Variants in TYRO3 observed in about 807,000 individuals in gnomAD.
The protein encoded by TYRO3 is TYRO3 protein tyrosine kinase.
In TYRO3, 38 loss-of-function variants were observed where a neutral mutation model predicts 95.2. The observed-to-expected ratio is 0.40, with a 90% CI of 0.31 to 0.52. The LOEUF is 0.52. Among genes scored for constraint, TYRO3 ranks in the 20% least tolerant of loss-of-function variants. The pLI, the probability that TYRO3 is intolerant of heterozygous loss-of-function variation, is 0.56. For missense variants in TYRO3, 812 were observed against 1,116.4 expected (o/e 0.73, Z 3.89); for synonymous variants, 367 against 432.9 (o/e 0.85, Z 1.89).
chr15:41,565,083 G>T lies in TYRO3; in HGVS notation c.725G>T (p.Ser242Ile). Residue 242 changes from serine to isoleucine, a missense_variant, in exon 6 of 19, where the codon AGT (serine) becomes ATT (isoleucine). Transcript: ENST00000263798. ...ACAAAGCTTTCCAGCAGCAACGCTA[G>T]TGTGGCCTGGATGCCAGGTGCTGAT... ...TVTKLSSSNA[S>I]VAWMPGADGR... The T allele has an allele frequency of 1.2e-6, 2 of 1,613,452 alleles. No individual in the cohort carries two copies. The highest frequency in any genetic ancestry group is 1.7e-6 in the Non-Finnish European group (2 of 1,180,024).
chr15:41,569,502 G>T (rs944797699), intron 9 of TYRO3, among the ~76,000 whole-genome samples: 1 of 151,780 alleles, frequency 6.6e-6, no homozygotes, highest in African/African-American at 2.4e-5. Context: ...CAGGAGTGGT[G>T]GTTCACACCT....
At chr15:41,573,555 T>C in intron 17 of TYRO3, 88 bp downstream of exon 17, 1 of 1,566,076 alleles carries the variant, frequency 6.4e-7, no homozygotes, top group Non-Finnish European at 8.7e-7. Flanking sequence ...GTCTGCTCTC[T>C]GGGGTTTGGT....
At chr15:41,560,388 C>CGTATGT (rs2055631275) in intron 1 of TYRO3, among the ~76,000 whole-genome samples, 1 of 72,058 alleles carries the variant, frequency 1.4e-5, no homozygotes, top group African/African-American at 4.8e-5. Flanking sequence ...AGGAGAGGTG[C>CGTATGT]GTGTATGTGT....
intron 13 of TYRO3, 144 bp downstream of exon 13, chr15:41,571,262 A>C: frequency 1.3e-6 from 1 of 764,458 alleles, no homozygotes. Flanking sequence ...CCACACGAAT[A>C]ATTCACAAGC....
In TYRO3 at chr15:41,561,204, G is replaced by A. The variant is rs148972694; in HGVS notation, c.202G>A (p.Gly68Arg). 6.2e-7 allele frequency: 1 copy of A among 1,614,084 alleles called. No individual in the cohort carries two copies. Among genetic ancestry groups the A allele is most frequent in the African/African-American group, 1.3e-5 (1 of 74,934 alleles). The change falls in exon 2 of 19, where the codon GGG (glycine) becomes AGG (arginine). Residue 68 changes from glycine (G) to arginine (R), a missense_variant. Coordinates refer to ENST00000263798, the MANE Select transcript of TYRO3 (RefSeq NM_006293.4). ...QPVKLNCSVE[G>R]MEEPDIQWVK... ...GGTGAAGCTCAACTGCAGTGTGGAG[G>A]GGATGGAGGAGCCTGACATCCAGTG...
intron 8 of TYRO3, 82 bp downstream of exon 8, chr15:41,568,444 ATTGTCT>A: frequency 6.9e-7 from 1 of 1,438,854 alleles, no homozygotes; most frequent in African/African-American, 1.4e-5. Context: ...TTTCAAAATG[ATTGTCT>A]TTGGTGGGCC....
At chr15:41,562,247 A>C in intron 3 of TYRO3, 1 of 244,998 alleles carries the variant, frequency 4.1e-6, no homozygotes, top group South Asian at 9.6e-5. Context: ...GCTACTCCGG[A>C]GGCTAAGGCC....
At chr15:41,560,559 C>T (rs918391129) in intron 1 of TYRO3, among the ~76,000 whole-genome samples, 13 of 152,148 alleles carry the variant, frequency 8.5e-5, no homozygotes, top group African/African-American at 2.7e-4. Context: ...TCCTAGCACT[C>T]GCCCCTGCCC....
At chr15:41,572,023 TACAC>T (rs1264943629) in intron 14 of TYRO3, among the ~76,000 whole-genome samples, 3 of 149,542 alleles carry the variant, frequency 2.0e-5, no homozygotes, top group African/African-American at 2.5e-5. Context: ...ACAAAAAACA[TACAC>T]ACACACACAC....
intron 9 of TYRO3, 126 bp downstream of exon 9, chr15:41,569,148 T>G (rs1389965368): frequency 1.7e-6 from 2 of 1,182,306 alleles, no homozygotes; most frequent in African/African-American, 3.1e-5. Flanking sequence ...AGTGAAGAAG[T>G]TGAGGCCAGG....
At chr15:41,576,123 A>G (rs2140836026) in intron 18 of TYRO3, among the ~76,000 whole-genome samples, 1 of 151,346 alleles carries the variant, frequency 6.6e-6, no homozygotes, top group East Asian at 1.9e-4. Context: ...AAAAAAAAAA[A>G]AATTAATTCC....
intron 9 of TYRO3, among the ~76,000 whole-genome samples, chr15:41,569,356 C>A (rs1023592048): frequency 6.6e-6 from 1 of 151,120 alleles, no homozygotes; most frequent in African/African-American, 2.4e-5. Context: ...TTAAGCCCAG[C>A]TGCTCCAGAG....
In TYRO3 at chr15:41,573,240, A is replaced by G. The variant is rs2055820653; in HGVS notation, c.1986-68A>G. 5.7e-6 allele frequency: 9 copies of G among 1,567,546 alleles called. No individual in the cohort carries two copies. The South Asian group carries it at 1.0e-4, about 18-fold the overall frequency. On this transcript the variant is annotated intron_variant, in intron 16 of 18. Coordinates refer to ENST00000263798, the MANE Select transcript of TYRO3 (RefSeq NM_006293.4). ...GTAGCTTGGGAGCAAAGATGCAAAGATGTCCTGGCTCTTGTGGGCCTGTGA... is the reference window on the plus strand; with the variant it reads ...GTAGCTTGGGAGCAAAGATGCAAAGGTGTCCTGGCTCTTGTGGGCCTGTGA...
At chr15:41,561,497 G>A (rs762122494) in intron 2 of TYRO3, 42 bp from the exon 3 acceptor site, 14 of 1,546,374 alleles carry the variant, frequency 9.1e-6, no homozygotes, top group Admixed American at 5.9e-5. Flanking sequence ...CAGAGCTGCC[G>A]CCCTTGCCCT....
At position 41,578,113 on chromosome 15, in the gene TYRO3, T is replaced by C. The variant is rs1366954253; in HGVS notation, c.2510T>C (p.Met837Thr). 2 of 1,613,762 alleles carry C rather than the reference T, an allele frequency of 1.2e-6. No individual in the cohort carries two copies. The highest frequency in any genetic ancestry group is 1.7e-6 in the Non-Finnish European group (2 of 1,180,002). ...PYSGAGDGSG[M>T]GAVGGTPSDC... ...AGTGGGGCTGGGGATGGCAGTGGCA[T>C]GGGGGCAGTGGGTGGCACTCCCAGT... Residue 837 changes from methionine (M) to threonine (T), a missense_variant, in exon 19 of 19, where the codon ATG becomes ACG. Met to Thr is a moderately conservative substitution (Grantham distance 81, BLOSUM62 -1). Transcript: ENST00000263798.
In TYRO3 at chr15:41,578,095, C is replaced by G. The variant is rs2055882926; in HGVS notation, c.2492C>G (p.Ala831Gly). The G allele has an allele frequency of 6.2e-7, 1 of 1,613,992 alleles. No homozygotes were observed. Among genetic ancestry groups the G allele is most frequent in the African/African-American group, 1.3e-5 (1 of 75,042 alleles). ...LPGRDQPYSGAGDGSGMGAVG... is the reference protein window; with the variant it reads ...LPGRDQPYSGGGDGSGMGAVG... ...GGCAGGGATCAGCCCTACAGTGGGG[C>G]TGGGGATGGCAGTGGCATGGGGGCA... The change falls in exon 19 of 19, where the codon GCT becomes GGT. Residue 831 changes from alanine to glycine, a missense_variant. Physicochemically the swap from Ala to Gly is moderately conservative, Grantham distance 60. Coordinates refer to ENST00000263798, the MANE Select transcript of TYRO3 (RefSeq NM_006293.4).
In TYRO3 at chr15:41,568,329, C is replaced by T. The variant is rs372263785; in HGVS notation, c.1074C>T (p.Tyr358=). The T allele has an allele frequency of 5.6e-5, 91 of 1,613,972 alleles. No individual in the cohort carries two copies. Among genetic ancestry groups the T allele is most frequent in the Middle Eastern group, 3.3e-4 (2 of 6,080 alleles). Residue 358 remains tyrosine (Y), a synonymous_variant, in exon 8 of 19, where the codon TAC becomes TAT. Transcript: ENST00000263798. ...EAPLEGPLGP[Y]KLSWVQDNGT... is the part of the protein sequence containing the mutation. The stretch of plus-strand genomic sequence containing the variant: ...CTTTGGAAGGCCCCCTGGGACCCTA[C>T]AAACTGTCCTGGGTTCAAGACAATG...
In TYRO3 at chr15:41,561,146, C is replaced by T; in HGVS notation, c.144C>T (p.Ala48=). Residue 48 remains alanine, a synonymous_variant, in exon 2 of 19, where the codon GCC becomes GCT. Transcript: ENST00000263798. ...SAAAGLKLMG[A]PVKLTVSQGQ... ...CCTCAGGTCTGAAGCTCATGGGAGC[C>T]CCGGTGAAGCTGACAGTGTCTCAGG... The T allele has an allele frequency of 6.2e-7, 1 of 1,614,178 alleles. No individual in the cohort carries two copies. The highest frequency in any genetic ancestry group is 8.5e-7 in the Non-Finnish European group (1 of 1,180,018).
chr15:41,576,334 C>T (rs969316464), intron 18 of TYRO3, among the ~76,000 whole-genome samples: 6 of 151,814 alleles, frequency 4.0e-5, no homozygotes, highest in African/African-American at 1.5e-4. Flanking sequence ...GCTGGGATTA[C>T]AGGCATGCAC....
Sources: allele counts gnomAD v4.1 joint callset (sites outside exome capture counted in the v4.1 genomes callset), GRCh38; gene constraint gnomAD v4.1.1; transcripts MANE v1.5; gene names NCBI Gene and HGNC (gene_info 2026-07-23, HGNC 2026-07-21).